The following CAMKMT variants were observed in gnomAD, a reference collection of about 807,000 sequenced individuals.
CAMKMT encodes calmodulin-lysine N-methyltransferase, also known as CaM KMT.
A neutral mutation model predicts 48.0 loss-of-function variants in CAMKMT; 53 were observed. The ratio of observed to expected loss-of-function variants is 1.10; its 90% CI spans 0.89 to 1.39. CAMKMT has a LOEUF of 1.39. CAMKMT is among the 40% of genes most tolerant of loss of function. The pLI, the probability that CAMKMT is intolerant of heterozygous loss-of-function variation, is 0.00. For synonymous variants in CAMKMT, 165 were observed against 152.3 expected, an observed-to-expected ratio of 1.08 and a Z score of -0.61; for missense variants, 428 against 402.7, an observed-to-expected ratio of 1.06 and a Z score of -0.54.
intron 3 of CAMKMT, among the ~76,000 whole-genome samples, chr2:44,469,420 C>T (rs1668301427): frequency 6.6e-6 from 1 of 151,346 alleles, no homozygotes; most frequent in Non-Finnish European, 1.5e-5. Flanking sequence ...TGGTGTGTGC[C>T]CTTTCAATGC....
intron 8 of CAMKMT, among the ~76,000 whole-genome samples, chr2:44,746,141 C>A (rs1339193926): frequency 7.9e-5 from 12 of 152,184 alleles, no homozygotes; most frequent in Admixed American, 7.9e-4. Flanking sequence ...GCAATGAGAT[C>A]TGGATTAGGC....
intron 3 of CAMKMT, among the ~76,000 whole-genome samples, chr2:44,409,512 T>A (rs1683045437): frequency 6.6e-6 from 1 of 152,144 alleles, no homozygotes; most frequent in African/African-American, 2.4e-5. Context: ...ATAAGTAAAT[T>A]TGGAATTTTG....
intron 2 of CAMKMT, among the ~76,000 whole-genome samples, chr2:44,382,777 C>A (rs975811998): frequency 2.6e-5 from 4 of 152,226 alleles, no homozygotes; most frequent in Non-Finnish European, 5.9e-5. Context: ...CCACGCCCGG[C>A]CAACTTTTTT....
chr2:44,530,078 A>T (rs1011797), intron 3 of CAMKMT, among the ~76,000 whole-genome samples: 1 of 151,988 alleles, frequency 6.6e-6, no homozygotes, highest in Admixed American at 6.6e-5. Flanking sequence ...AAGACTGTCA[A>T]TATTTCCTGC....
chr2:44,718,464 A>G (rs558608220), intron 7 of CAMKMT, among the ~76,000 whole-genome samples: 1 of 152,340 alleles, frequency 6.6e-6, no homozygotes, highest in South Asian at 2.1e-4. Context: ...TCTGCTTTTG[A>G]GAATATAAAT....
intron 3 of CAMKMT, among the ~76,000 whole-genome samples, chr2:44,452,230 G>A (rs533352550): frequency 2.6e-5 from 4 of 151,982 alleles, no homozygotes; most frequent in Non-Finnish European, 4.4e-5. Flanking sequence ...TAAAATGTGG[G>A]TGTGTATTCT....
At chr2:44,596,003 G>A (rs1670632799) in intron 3 of CAMKMT, among the ~76,000 whole-genome samples, 1 of 151,854 alleles carries the variant, frequency 6.6e-6, no homozygotes, top group African/African-American at 2.4e-5. Context: ...GGGGACTGGG[G>A]GAGGAGTAGC....
intron 3 of CAMKMT, among the ~76,000 whole-genome samples, chr2:44,497,609 A>G (rs1048292787): frequency 6.6e-6 from 1 of 152,092 alleles, no homozygotes; most frequent in Non-Finnish European, 1.5e-5. Flanking sequence ...ACCTCTAACC[A>G]GGGACCTTTT....
At chr2:44,512,206 A>G (rs2104772198) in intron 3 of CAMKMT, among the ~76,000 whole-genome samples, 1 of 152,306 alleles carries the variant, frequency 6.6e-6, no homozygotes, top group Non-Finnish European at 1.5e-5. Context: ...TTTTGTACAC[A>G]AGACAAAAAA....
At chr2:44,619,194 A>C (rs1300566224) in intron 3 of CAMKMT, among the ~76,000 whole-genome samples, 1 of 152,180 alleles carries the variant, frequency 6.6e-6, no homozygotes, top group Non-Finnish European at 1.5e-5. Context: ...TCTACAGGAT[A>C]CTTATTTGAG....
intron 3 of CAMKMT, among the ~76,000 whole-genome samples, chr2:44,563,687 T>C (rs1031551720): frequency 6.6e-6 from 1 of 151,952 alleles, no homozygotes; most frequent in Non-Finnish European, 1.5e-5. Context: ...AGTGTTCTCA[T>C]TGTTCAGTTC....
At chr2:44,707,597 G>T in intron 6 of CAMKMT, 135 bp downstream of exon 6, 1 of 613,286 alleles carries the variant, frequency 1.6e-6, no homozygotes. Flanking sequence ...AAGTAATTAA[G>T]AAAAAGTAGA....
chr2:44,423,860 T>G (rs970958550), intron 3 of CAMKMT, among the ~76,000 whole-genome samples: 2 of 152,214 alleles, frequency 1.3e-5, no homozygotes, highest in African/African-American at 4.8e-5. Context: ...TTCTAAGTAG[T>G]CTTCTGGCAG....
chr2:44,365,119 C>T (rs1378630679), intron 1 of CAMKMT, among the ~76,000 whole-genome samples: 1 of 152,142 alleles, frequency 6.6e-6, no homozygotes, highest in Non-Finnish European at 1.5e-5. Flanking sequence ...GCATCTAGTA[C>T]TGGAAAACTA....
intron 3 of CAMKMT, among the ~76,000 whole-genome samples, chr2:44,407,930 T>G (rs1682894803): frequency 6.6e-6 from 1 of 152,140 alleles, no homozygotes; most frequent in South Asian, 2.1e-4. Flanking sequence ...AATAGTAAGT[T>G]GTACTAATAG....
intron 3 of CAMKMT, among the ~76,000 whole-genome samples, chr2:44,587,443 C>T (rs1321926125): frequency 7.4e-6 from 1 of 135,968 alleles, no homozygotes; most frequent in African/African-American, 3.2e-5. Context: ...CCTCTCCCTC[C>T]CCCTCCCCCT....
At chr2:44,615,566 C>G (rs1377726569) in intron 3 of CAMKMT, among the ~76,000 whole-genome samples, 1 of 152,084 alleles carries the variant, frequency 6.6e-6, no homozygotes, top group Non-Finnish European at 1.5e-5. Flanking sequence ...ATGCAGTTCA[C>G]TGAGGAGGGT....
intron 3 of CAMKMT, among the ~76,000 whole-genome samples, chr2:44,537,992 C>T (rs1278521146): frequency 6.6e-6 from 1 of 152,170 alleles, no homozygotes; most frequent in Non-Finnish European, 1.5e-5. Flanking sequence ...GAAAAAGGCA[C>T]ATGCACACAT....
At chr2:44,451,014 T>A (rs1667259597) in intron 3 of CAMKMT, among the ~76,000 whole-genome samples, 1 of 152,136 alleles carries the variant, frequency 6.6e-6, no homozygotes, top group Non-Finnish European at 1.5e-5. Flanking sequence ...GGACATTCTT[T>A]GGAAGTGTTC....
Sources: gnomAD v4.1 joint callset for allele counts (sites outside exome capture counted in the v4.1 genomes callset) on GRCh38, gnomAD v4.1.1 for gene constraint, MANE v1.5 for transcripts, NCBI Gene and HGNC (gene_info 2026-07-23, HGNC 2026-07-21) for gene names.